The following SOAT2 variants were observed in gnomAD, a reference collection of about 807,000 sequenced individuals.
SOAT2 encodes ACAT-2.
A neutral mutation model predicts 76.0 loss-of-function variants in SOAT2; 87 were observed. That is an observed-to-expected ratio of 1.14 (90% CI 0.96 to 1.37). The LOEUF is 1.37. Ranked by LOEUF, SOAT2 falls within the 40% of genes most tolerant of loss-of-function variation. The pLI is 0.00. For missense variants in SOAT2, 686 were observed against 682.1 expected (o/e 1.01, Z -0.06); for synonymous variants, 285 against 275.4 (o/e 1.03, Z -0.34).
At position 53,105,170 on chromosome 12, in the gene SOAT2, A is replaced by T. The variant is rs1268541388; in HGVS notation, c.202A>T (p.Met68Leu). Residue 68 changes from methionine to leucine, a missense_variant, in exon 3 of 15, where the codon ATG becomes TTG. Met to Leu is a conservative substitution (Grantham distance 15). Transcript: ENST00000301466. ...ACTGAGGGAGCTGCTGGATCGGGCC[A>T]TGCGGGAGGCTATACAATCCTACCC... ...GQLRELLDRA[M>L]REAIQSYPSQ... is the part of the protein sequence containing the mutation. 10 of 1,588,484 alleles carry T rather than the reference A, an allele frequency of 6.3e-6. No individual in the cohort carries two copies. Among genetic ancestry groups the T allele is most frequent in the Non-Finnish European group, 4.3e-6 (5 of 1,167,560 alleles).
chr12:53,103,682 G>A, intron 1 of SOAT2, 23 bp downstream of exon 1: 1 of 1,499,450 alleles, frequency 6.7e-7, no homozygotes, highest in South Asian at 1.3e-5. Flanking sequence ...CGGGGGTGCA[G>A]AAGGCACAGG....
intron 10 of SOAT2, among the ~76,000 whole-genome samples, chr12:53,120,037 A>C (rs1434388089): frequency 1.3e-5 from 2 of 152,246 alleles, no homozygotes; most frequent in Admixed American, 6.5e-5. Flanking sequence ...CAAATGGATG[A>C]ATAAATGAAT....
Position 53,115,663 on chromosome 12 carries a change from C to T in SOAT2, c.708+9C>T. ...TCCTGGTCTTCGAGCAGGTGAGGGCCGAGCCCTGCTGACGGACAGGAAGGA... is the reference window on the plus strand; with the variant it reads ...TCCTGGTCTTCGAGCAGGTGAGGGCTGAGCCCTGCTGACGGACAGGAAGGA... On this transcript the variant is annotated intron_variant, in intron 6 of 14. Transcript: ENST00000301466. 9 of 1,506,464 alleles carry T rather than the reference C, an allele frequency of 6.0e-6. No individual in the cohort carries two copies. Among genetic ancestry groups the T allele is most frequent in the Non-Finnish European group, 7.9e-6 (9 of 1,133,504 alleles). The allele number at this position is 1,506,464 out of a possible 1,614,324, so 93.3% of individuals were successfully genotyped here.
chr12:53,124,016 G>A (rs1231082373), intron 14 of SOAT2, 57 bp from the exon 15 acceptor site: 1 of 1,608,340 alleles, frequency 6.2e-7, no homozygotes, highest in Non-Finnish European at 8.5e-7. Context: ...CGTCTTGGAT[G>A]CATGGGTTGA....
rs2280698 is a variant in SOAT2 at position 53,103,504 on chromosome 12, A to G, written c.-74A>G. The stretch of plus-strand genomic sequence containing the variant: ...CTGAGCTGAGTGGGACAAGAGCTCT[A>G]CAGGGCAGGCCACACTGCGAAGGAA... On this transcript the variant is annotated 5_prime_UTR_variant, in exon 1 of 15. Coordinates refer to ENST00000301466, the MANE Select transcript of SOAT2 (RefSeq NM_003578.4). 101,470 of 1,353,222 alleles carry G rather than the reference A, an allele frequency of 0.075. 4,425 individuals are homozygous for G. The highest frequency in any genetic ancestry group is 0.18 in the East Asian group (7,228 of 39,974). 83.8% of individuals were successfully genotyped at this position (1,353,222 alleles called of 1,614,324 possible).
intron 10 of SOAT2, 53 bp downstream of exon 10, chr12:53,119,306 A>G: frequency 5.6e-6 from 9 of 1,595,226 alleles, no homozygotes; most frequent in Non-Finnish European, 7.7e-6. Context: ...AAGGCTAATC[A>G]GGGAAGGCCT....
intron 12 of SOAT2, among the ~76,000 whole-genome samples, chr12:53,122,641 G>T (rs1470607254): frequency 1.3e-5 from 2 of 151,788 alleles, no homozygotes; most frequent in Admixed American, 6.6e-5. Flanking sequence ...GAGAGCACAG[G>T]GTTGGGGGTA....
chr12:53,121,108 G>A (rs989444036), intron 11 of SOAT2, among the ~76,000 whole-genome samples, 195 bp from the exon 12 acceptor site: 3 of 152,224 alleles, frequency 2.0e-5, no homozygotes. Flanking sequence ...TCTCCTGAGA[G>A]AGGGAGTAGG....
At chr12:53,121,118 G>A (rs1384089034) in intron 11 of SOAT2, among the ~76,000 whole-genome samples, 185 bp from the exon 12 acceptor site, 1 of 152,210 alleles carries the variant, frequency 6.6e-6, no homozygotes, top group Non-Finnish European at 1.5e-5. Context: ...GAGGGAGTAG[G>A]AGGGAGGACA....
intron 5 of SOAT2, among the ~76,000 whole-genome samples, chr12:53,106,290 G>A (rs1409408376): frequency 6.6e-6 from 1 of 151,484 alleles, no homozygotes; most frequent in African/African-American, 2.4e-5. Flanking sequence ...GTGTGTGTGT[G>A]CACACATGCA....
intron 6 of SOAT2, among the ~76,000 whole-genome samples, chr12:53,115,892 G>A (rs995644463): frequency 1.3e-5 from 2 of 152,202 alleles, no homozygotes; most frequent in African/African-American, 4.8e-5. Flanking sequence ...GGAAGACTCC[G>A]CTCTGGCCTC....
intron 5 of SOAT2, among the ~76,000 whole-genome samples, chr12:53,111,529 G>A (rs1265659012): frequency 6.6e-6 from 1 of 152,188 alleles, no homozygotes; most frequent in East Asian, 1.9e-4. Context: ...AATAATTCAA[G>A]ATGTCGCTAT....
chr12:53,117,746 C>A lies in SOAT2; in HGVS notation c.779-604C>A, dbSNP rs532293920. Among the ~76,000 whole-genome samples, 19 of 152,180 alleles carry A rather than the reference C, an allele frequency of 1.2e-4. No homozygotes were observed. The East Asian group carries it at 3.7e-3, about 29-fold the overall frequency. On this transcript the variant is annotated intron_variant, in intron 7 of 14. Coordinates refer to ENST00000301466, the MANE Select transcript of SOAT2 (RefSeq NM_003578.4). ...CCAGTGCTGGGCCAGAGGTCCAATG[C>A]CACCGGCAGCTGCCAGTGTCCCTCT... is the stretch of plus-strand genomic sequence containing the variant.
At position 53,123,890 on chromosome 12, in the gene SOAT2, C is replaced by G. The variant is rs2121310793; in HGVS notation, c.1518+17C>G. The G allele has an allele frequency of 1.2e-6, 2 of 1,613,954 alleles. No homozygotes were observed. Among genetic ancestry groups the G allele is most frequent in the Non-Finnish European group, 1.7e-6 (2 of 1,179,898 alleles). Reference sequence around the variant, plus strand: ...TTACCCCAGGTAAGAGACCACAACCCTCATCCAGCTCCCCATCCATGAGGA... The same window carrying G: ...TTACCCCAGGTAAGAGACCACAACCGTCATCCAGCTCCCCATCCATGAGGA... On this transcript the variant is annotated intron_variant, in intron 14 of 14. Transcript: ENST00000301466.
intron 2 of SOAT2, 60 bp downstream of exon 2, chr12:53,104,266 G>T: frequency 7.4e-6 from 8 of 1,076,412 alleles, no homozygotes; most frequent in Non-Finnish European, 1.1e-5. Flanking sequence ...GGAAGCAGGA[G>T]TGAGGCTTGG....
At chr12:53,119,770 G>C (rs1414450784) in intron 10 of SOAT2, among the ~76,000 whole-genome samples, 2 of 152,128 alleles carry the variant, frequency 1.3e-5, no homozygotes, top group African/African-American at 4.8e-5. Context: ...TGGTTGAGAT[G>C]CCCCCTCCTG....
intron 5 of SOAT2, among the ~76,000 whole-genome samples, chr12:53,108,817 A>G (rs1474698665): frequency 1.3e-5 from 2 of 152,246 alleles, no homozygotes; most frequent in Admixed American, 6.5e-5. Context: ...AACTGATTAT[A>G]AAACCACCTT....
chr12:53,119,343 C>A (rs557411487), intron 10 of SOAT2, 90 bp downstream of exon 10: 1 of 1,399,238 alleles, frequency 7.1e-7, no homozygotes, highest in Non-Finnish European at 9.8e-7. Flanking sequence ...TCAGTTTCAA[C>A]ACGTTCTCCT....
chr12:53,121,794 T>A (rs987860429), intron 12 of SOAT2, among the ~76,000 whole-genome samples: 1 of 60,046 alleles, frequency 1.7e-5, no homozygotes, highest in African/African-American at 1.2e-4. Context: ...AGTAGCATGC[T>A]TTTTTTTTTT....
Sources: gnomAD v4.1 joint callset for allele counts (sites outside exome capture counted in the v4.1 genomes callset) on GRCh38, gnomAD v4.1.1 for gene constraint, MANE v1.5 for transcripts, NCBI Gene and HGNC (gene_info 2026-07-23, HGNC 2026-07-21) for gene names.